The following FLG variants were observed in gnomAD, a reference collection of about 807,000 sequenced individuals.
The protein encoded by FLG is filaggrin.
Under a neutral mutation model 3.8 loss-of-function variants are expected in FLG, and 6 were observed. That is an observed-to-expected ratio of 1.60 (90% confidence interval 0.87 to 3.15). FLG has a LOEUF of 3.15. Among genes scored for constraint, FLG ranks in the 30% most tolerant of loss-of-function variants. FLG has a pLI of 0.00. For missense variants in FLG, 7,595 were observed against 5,050.9 expected (o/e 1.50, Z -15.27); for synonymous variants, 2,551 against 1,931.6 (o/e 1.32, Z -8.41).
Position 152,308,062 on chromosome 1 carries a change from G to C in FLG, c.6824C>G (p.Ser2275Ter), listed in dbSNP as rs756335258. 4 of 1,614,014 alleles carry C rather than the reference G, an allele frequency of 2.5e-6. No individual in the cohort carries two copies. Among genetic ancestry groups the C allele is most frequent in the Non-Finnish European group, 3.4e-6 (4 of 1,179,994 alleles). ...CCTGGGGTGTCTGGAGCCATCTCTT[G>C]ACTGCTCCTGAGCAGATCCATGATG... Reference protein sequence around the residue: ...RNHHGSAQEQSRDGSRHPRSH... With the variant: ...RNHHGSAQEQ Residue 2275 changes from serine to a stop codon, truncating the protein, a stop_gained, in exon 3 of 3, where the codon TCA (serine) becomes TGA (stop). Transcript: ENST00000368799. LOFTEE classifies it low-confidence loss of function (END_TRUNC).
In FLG at chr1:152,309,445, C is replaced by T. The variant is rs759833415; in HGVS notation, c.5441G>A (p.Arg1814His). The change falls in exon 3 of 3, where the codon CGT becomes CAT. Residue 1814 changes from arginine to histidine, a missense_variant. Arg to His is a conservative substitution (Grantham distance 29, BLOSUM62 0). Transcript: ENST00000368799. ...TCCTCTGCTTGACCCTGGGTGTCCA[C>T]GAATGGTGTCCTGACCCTCTTGGGA... ...SASQEGQDTI[R>H]GHPGSSRGGR... The T allele has an allele frequency of 1.5e-4, 239 of 1,613,224 alleles. No individual in the cohort carries two copies. Among genetic ancestry groups the T allele is most frequent in the Non-Finnish European group, 1.9e-4 (226 of 1,179,936 alleles).
At position 152,303,244 on chromosome 1, in the gene FLG, T is replaced by G. The variant is rs1445723648; in HGVS notation, c.11642A>C (p.Glu3881Ala). The part of the protein sequence containing the change: ...AYPEDSERRS[E>A]SASRNHHGSS... ...TCCATGATGGTTTCTGGAAGCAGAC[T>G]CAGATCGCCTCTCAGAGTCCTCTGG... Residue 3881 changes from glutamate to alanine, a missense_variant, in exon 3 of 3, where the codon GAG becomes GCG. By Grantham distance (107) the Glu-to-Ala change is moderately radical (BLOSUM62 -1). Coordinates refer to ENST00000368799, the MANE Select transcript of FLG (RefSeq NM_002016.2). 5 of 1,613,950 alleles carry G rather than the reference T, an allele frequency of 3.1e-6. No homozygotes were observed. Among genetic ancestry groups the G allele is most frequent in the Non-Finnish European group, 4.2e-6 (5 of 1,179,990 alleles).
chr1:152,309,172 G>A lies in FLG; in HGVS notation c.5714C>T (p.Ser1905Leu). The A allele has an allele frequency of 1.9e-6, 3 of 1,613,492 alleles. No individual in the cohort carries two copies. Among genetic ancestry groups the A allele is most frequent in the Non-Finnish European group, 2.5e-6 (3 of 1,179,668 alleles). The change falls in exon 3 of 3, where the codon TCA becomes TTA. Residue 1905 changes from serine to leucine, a missense_variant. Coordinates refer to ENST00000368799, the MANE Select transcript of FLG (RefSeq NM_002016.2). ...GTTCCTGCTTGTCCTGGGCCCTGAT[G>A]ATTGTCCCTGGCCCACCTGCGAGTG... ...SRHSQVGQGQ[S>L]SGPRTSRNQG...
intron 1 of FLG, among the ~76,000 whole-genome samples, chr1:152,317,887 C>T (rs1652839836): frequency 6.6e-6 from 1 of 151,990 alleles, no homozygotes; most frequent in Non-Finnish European, 1.5e-5. Context: ...TCAGTTATTC[C>T]TGTCTTCCTG....
chr1:152,320,325 A>C (rs1460652156), intron 1 of FLG, among the ~76,000 whole-genome samples: 1 of 150,984 alleles, frequency 6.6e-6, no homozygotes, highest in Non-Finnish European at 1.5e-5. Flanking sequence ...ATTAAGGGAC[A>C]AGGCTGTCAG....
At position 152,310,923 on chromosome 1, in the gene FLG, G is replaced by A. The variant is rs1652366580; in HGVS notation, c.3963C>T (p.His1321=). Reference sequence around the variant, plus strand: ...CTGATTGTCTGGAGCTGTCTGCAGAGTGCCCGTGACTGGCTCTGTCTTCTT... The same window carrying A: ...CTGATTGTCTGGAGCTGTCTGCAGAATGCCCGTGACTGGCTCTGTCTTCTT... ...FHQEDRASHG[H]SADSSRQSGT... Residue 1321 remains histidine (H), a synonymous_variant, in exon 3 of 3, where the codon CAC becomes CAT. Coordinates refer to ENST00000368799, the MANE Select transcript of FLG (RefSeq NM_002016.2). The A allele has an allele frequency of 1.2e-6, 2 of 1,613,902 alleles. No homozygotes were observed. Among genetic ancestry groups the A allele is most frequent in the Middle Eastern group, 1.6e-4 (1 of 6,084 alleles).
chr1:152,309,090 C>G lies in FLG; in HGVS notation c.5796G>C (p.Glu1932Asp). 6.2e-7 allele frequency: 1 copy of G among 1,614,144 alleles called. No individual in the cohort carries two copies. The highest frequency in any genetic ancestry group is 1.1e-5 in the South Asian group (1 of 91,082). Residue 1932 changes from glutamate to aspartate, a missense_variant, in exon 3 of 3, where the codon GAG (glutamate) becomes GAC (aspartate). Coordinates refer to ENST00000368799, the MANE Select transcript of FLG (RefSeq NM_002016.2). ...TTCTGGAAGCAGACCCAGACCACCT[C>G]TCAGAGTCTTCTGAGTGTCCCTGAC... ...SDSQGHSEDS[E>D]RWSGSASRNH...
rs751925592 is a variant in FLG at position 152,315,296 on chromosome 1, T to C, written c.138+23A>G. The C allele has an allele frequency of 6.2e-6, 10 of 1,611,636 alleles. No individual in the cohort carries two copies. In the South Asian group the frequency reaches 1.1e-4, roughly 18 times the overall value. ...GATGAGAAAAACAAATGCTCTATCT[T>C]TGGTCTTGTCAGAGACTCTTACCTT... On this transcript the variant is annotated intron_variant, in intron 2 of 2. Transcript: ENST00000368799.
In FLG at chr1:152,302,664, T is replaced by A; in HGVS notation, c.*36A>T. The A allele has an allele frequency of 6.2e-7, 1 of 1,611,018 alleles. No individual in the cohort carries two copies. The highest frequency in any genetic ancestry group is 8.5e-7 in the Non-Finnish European group (1 of 1,178,644). On this transcript the variant is annotated 3_prime_UTR_variant, in exon 3 of 3. Transcript: ENST00000368799. The stretch of plus-strand genomic sequence containing the variant: ...GATTGAAAGTGAACTTGCTTCATTC[T>A]TCTATTCTTGGATTAATTCCTTTGC...
In FLG at chr1:152,305,499, C is replaced by T. The variant is rs752889361; in HGVS notation, c.9387G>A (p.Ser3129=). The T allele has an allele frequency of 5.2e-5, 81 of 1,570,326 alleles. 4 individuals carry two copies. The South Asian group carries it at 6.9e-4, about 13-fold the overall frequency. Residue 3129 remains serine (S), a synonymous_variant, in exon 3 of 3, where the codon TCG becomes TCA. Coordinates refer to ENST00000368799, the MANE Select transcript of FLG (RefSeq NM_002016.2). ...ACCCTGAGTGTCCAGAGCTATCTAC[C>T]GAATGCTCGTGGTGGTACCCCTGCC... The part of the protein sequence containing the change: ...GGRQGYHHEH[S]VDSSGHSGSH...
chr1:152,310,073 C>G lies in FLG; in HGVS notation c.4813G>C (p.Glu1605Gln). ...GACTCAGACCGCCTCTCAGAGTCTT[C>G]TGAGTGTCCCTCACTGTCCCTGTCC... ...SQDRDSEGHSEDSERRSESAS... is the reference protein window; with the variant it reads ...SQDRDSEGHSQDSERRSESAS... The change falls in exon 3 of 3, where the codon GAA becomes CAA. Residue 1605 changes from glutamate (E) to glutamine (Q), a missense_variant. Coordinates refer to ENST00000368799, the MANE Select transcript of FLG (RefSeq NM_002016.2). The G allele has an allele frequency of 6.2e-7, 1 of 1,614,028 alleles. No individual in the cohort carries two copies. The highest frequency in any genetic ancestry group is 8.5e-7 in the Non-Finnish European group (1 of 1,180,000).
rs757138774 is a variant in FLG at position 152,311,059 on chromosome 1, C to G, written c.3827G>C (p.Ser1276Thr). The G allele has an allele frequency of 1.9e-6, 3 of 1,613,992 alleles. No homozygotes were observed. The highest frequency in any genetic ancestry group is 1.1e-5 in the South Asian group (1 of 91,064). The stretch of plus-strand genomic sequence containing the variant: ...CTCGGAGTCGTCTGAGTGTCTCTCA[C>G]TGTCACTGTCCTGGCTAACACTGGA... The part of the protein sequence containing the change: ...QGSSVSQDSD[S>T]ERHSDDSERL... Residue 1276 changes from serine (S) to threonine (T), a missense_variant, in exon 3 of 3, where the codon AGT becomes ACT. By Grantham distance (58) the Ser-to-Thr change is moderately conservative. Coordinates refer to ENST00000368799, the MANE Select transcript of FLG (RefSeq NM_002016.2).
chr1:152,317,802 A>G, intron 1 of FLG, among the ~76,000 whole-genome samples: 1 of 152,076 alleles, frequency 6.6e-6, no homozygotes, highest in African/African-American at 2.4e-5. Context: ...GAGATCTTAA[A>G]TCTATTATGT....
Position 152,303,004 on chromosome 1 carries a change from T to A in FLG, c.11882A>T (p.Glu3961Val), listed in dbSNP as rs1357505922. The stretch of plus-strand genomic sequence containing the variant: ...TTGACCTTTTTGCCTTTCAGTGCCC[T>A]CAGATTGATAATGATAAGAACTAGA... ...HSSSSYHYQS[E>V]GTERQKGQSG... Residue 3961 changes from glutamate (E) to valine (V), a missense_variant, in exon 3 of 3, where the codon GAG (glutamate) becomes GTG (valine). Transcript: ENST00000368799. The A allele has an allele frequency of 6.2e-7, 1 of 1,614,160 alleles. No homozygotes were observed. The highest frequency in any genetic ancestry group is 1.7e-5 in the Admixed American group (1 of 60,020).
rs3120646 is a variant in FLG at position 152,309,459 on chromosome 1, A to C, written c.5427T>G (p.Gly1809=). ...CTGGGTGTCCACGAATGGTGTCCTG[A>C]CCCTCTTGGGACGCTGAGTGCCTGG... ...DSSRHSASQE[G]QDTIRGHPGS... Residue 1809 remains glycine, a synonymous_variant, in exon 3 of 3, where the codon GGT becomes GGG. Coordinates refer to ENST00000368799, the MANE Select transcript of FLG (RefSeq NM_002016.2). 1 of 1,612,210 alleles carries C rather than the reference A, an allele frequency of 6.2e-7. No homozygotes were observed. Among genetic ancestry groups the C allele is most frequent in the African/African-American group, 1.3e-5 (1 of 74,360 alleles).
chr1:152,323,870 A>T (rs1052348510), intron 1 of FLG, among the ~76,000 whole-genome samples: 3 of 151,782 alleles, frequency 2.0e-5, no homozygotes, highest in Non-Finnish European at 4.4e-5. Context: ...CCCAAAATGG[A>T]AGAGACCCAA....
rs1652177981 is a variant in FLG at position 152,308,884 on chromosome 1, G to A, written c.6002C>T (p.Ala2001Val). 1.9e-6 allele frequency: 3 copies of A among 1,614,052 alleles called. No homozygotes were observed. Among genetic ancestry groups the A allele is most frequent in the Admixed American group, 3.3e-5 (2 of 60,010 alleles). ...GTGGTGGGATCCATGTCTTTCTCCT[G>A]CACTTGATCTTGCCTGTTCATGGGA... Reference protein sequence around the residue: ...ASSHEQARSSAGERHGSHHQL... With the variant: ...ASSHEQARSSVGERHGSHHQL... Residue 2001 changes from alanine (A) to valine (V), a missense_variant, in exon 3 of 3, where the codon GCA (alanine) becomes GTA (valine). Coordinates refer to ENST00000368799, the MANE Select transcript of FLG (RefSeq NM_002016.2).
rs766276354 is a variant in FLG, at chr1:152,314,079, A to C, written c.807T>G (p.Ser269=). 9.9e-6 allele frequency: 16 copies of C among 1,614,002 alleles called. No homozygotes were observed. The Admixed American group carries it at 1.2e-4, about 12-fold the overall frequency. ...RSRSSDGKSS[S]QVNRSRHENT... ...TTTCATGTCTTGACCTGTTCACTTG[A>C]GATGATGATTTGCCATCAGATGACC... The change falls in exon 3 of 3, where the codon TCT becomes TCG. Residue 269 remains serine (S), a synonymous_variant. Transcript: ENST00000368799.
At chr1:152,317,405 A>G (rs904306857) in intron 1 of FLG, among the ~76,000 whole-genome samples, 2 of 152,076 alleles carry the variant, frequency 1.3e-5, no homozygotes, top group African/African-American at 4.8e-5. Context: ...AAAATGTATT[A>G]AAACTCTCAC....
Sources: allele counts gnomAD v4.1 joint callset (sites outside exome capture counted in the v4.1 genomes callset), GRCh38; gene constraint gnomAD v4.1.1; transcripts MANE v1.5; gene names NCBI Gene and HGNC (gene_info 2026-07-23, HGNC 2026-07-21).